Variants in CCDC152 observed in about 807,000 individuals in gnomAD.
CCDC152 encodes coiled-coil domain containing 152.
Under a neutral mutation model 38.1 loss-of-function variants are expected in CCDC152, and 37 were observed. The ratio of observed to expected loss-of-function variants is 0.97; its 90% CI spans 0.75 to 1.28. The LOEUF is 1.28. CCDC152 is among the 50% of genes most tolerant of loss of function. The pLI is 0.00. For missense variants in CCDC152, 259 were observed against 292.1 expected (o/e 0.89, Z 0.83); for synonymous variants, 83 against 87.1 (o/e 0.95, Z 0.26).
intron 3 of CCDC152, among the ~76,000 whole-genome samples, chr5:42,765,329 C>A (rs1331282530): frequency 1.3e-5 from 2 of 151,788 alleles, no homozygotes; most frequent in African/African-American, 2.4e-5. Flanking sequence ...TGTTACAATC[C>A]CCGTACTACT....
chr5:42,757,227 T>TGACG lies in CCDC152; in HGVS notation c.-3+345_-3+348dup, dbSNP rs1759491963. On this transcript the variant is annotated intron_variant, in intron 1 of 8. Coordinates refer to ENST00000361970, the MANE Select transcript of CCDC152 (RefSeq NM_001134848.2). ...TGCTAGGTCCCTAAGGACACTAGGA[T>TGACG]GACGGAGAGGGAGCCAGGGGACCCA... 2.0e-5 allele frequency among the ~76,000 whole-genome samples: 3 copies of TGACG among 152,124 alleles called. No homozygotes were observed. The South Asian group carries it at 6.2e-4, about 31-fold the overall frequency.
intron 5 of CCDC152, 56 bp downstream of exon 5, chr5:42,779,578 A>G (rs1759814644): frequency 1.0e-6 from 1 of 962,580 alleles, no homozygotes; most frequent in African/African-American, 2.1e-5. Context: ...TATCTTTTCA[A>G]ATTAGGAAAA....
chr5:42,801,437 G>C lies in CCDC152; in HGVS notation c.*1656G>C. ...ATGTGAAATTCCAACTAGTTAATTA[G>C]AATCGAGCTGGCTTTGTATTATATT... On this transcript the variant is annotated 3_prime_UTR_variant, in exon 9 of 9. Transcript: ENST00000361970. The C allele has an allele frequency of 1.2e-6, 1 of 813,314 alleles. No homozygotes were observed. Among genetic ancestry groups the C allele is most frequent in the South Asian group, 1.8e-5 (1 of 55,378 alleles). The allele number at this position is 813,314 out of a possible 1,614,324, so 50.4% of individuals were successfully genotyped here. A position where few individuals can be genotyped will look rare whatever the true frequency, so the allele number is the denominator to read the frequency against.
At position 42,789,850 on chromosome 5, in the gene CCDC152, A is replaced by G. The variant is rs376264474; in HGVS notation, c.430+6274A>G. On this transcript the variant is annotated intron_variant, in intron 6 of 8. Coordinates refer to ENST00000361970, the MANE Select transcript of CCDC152 (RefSeq NM_001134848.2). ...TAACTTAAAATGGGTAATAAGTTAC[A>G]TATAAAACCTACATCTGTAAAATTA... Among the ~76,000 whole-genome samples, 114 of 152,308 alleles carry G rather than the reference A, an allele frequency of 7.5e-4. 2 individuals are homozygous for G. In the South Asian group the frequency reaches 8.3e-3, roughly 11 times the overall value.
chr5:42,797,752 A>AAT (rs1561280844), intron 7 of CCDC152, among the ~76,000 whole-genome samples: 1 of 152,126 alleles, frequency 6.6e-6, no homozygotes, highest in Non-Finnish European at 1.5e-5. Context: ...TTTCTGGAAG[A>AAT]ATATATATCC....
intron 3 of CCDC152, among the ~76,000 whole-genome samples, chr5:42,764,557 A>G (rs187557784): frequency 6.6e-6 from 1 of 152,198 alleles, no homozygotes; most frequent in Non-Finnish European, 1.5e-5. Flanking sequence ...TCAACAATAC[A>G]TTAGAAAGAT....
At chr5:42,797,027 A>G (rs1009867835) in intron 7 of CCDC152, 71 bp downstream of exon 7, 2 of 1,172,518 alleles carry the variant, frequency 1.7e-6, no homozygotes, top group Non-Finnish European at 2.3e-6. Flanking sequence ...ATTGTTTTTC[A>G]TCACAGTGAG....
At chr5:42,782,922 A>G (rs1320007276) in intron 5 of CCDC152, among the ~76,000 whole-genome samples, 1 of 151,908 alleles carries the variant, frequency 6.6e-6, no homozygotes. Flanking sequence ...GCTGGAGTGC[A>G]GTGGTGCCAT....
chr5:42,799,719 C>T lies in CCDC152; in HGVS notation c.703C>T (p.Arg235Cys), dbSNP rs755199239. The change falls in exon 9 of 9, where the codon CGC becomes TGC. Residue 235 changes from arginine to cysteine, a missense_variant. By Grantham distance (180) the Arg-to-Cys change is radical. Coordinates refer to ENST00000361970, the MANE Select transcript of CCDC152 (RefSeq NM_001134848.2). ...KEIAILRNTI[R>C]DLEQRLSVGK... ...GATTGCAATTCTTCGTAATACCATTCGCGATTTAGAGCAACGCCTTTCTGT... is the reference window on the plus strand; with the variant it reads ...GATTGCAATTCTTCGTAATACCATTTGCGATTTAGAGCAACGCCTTTCTGT... 2 of 1,550,778 alleles carry T rather than the reference C, an allele frequency of 1.3e-6. No individual in the cohort carries two copies. The highest frequency in any genetic ancestry group is 1.7e-6 in the Non-Finnish European group (2 of 1,146,486).
chr5:42,783,971 T>A (rs1759883812), intron 6 of CCDC152, among the ~76,000 whole-genome samples: 1 of 152,210 alleles, frequency 6.6e-6, no homozygotes, highest in South Asian at 2.1e-4. Flanking sequence ...ATATACCACA[T>A]TTTCTTTATC....
chr5:42,766,123 C>T (rs542578286), intron 3 of CCDC152, among the ~76,000 whole-genome samples: 1 of 152,248 alleles, frequency 6.6e-6, no homozygotes, highest in East Asian at 1.9e-4. Flanking sequence ...AGACATTTCT[C>T]AGAAGAAGAC....
chr5:42,764,111 C>T (rs1389000090), intron 3 of CCDC152, among the ~76,000 whole-genome samples: 1 of 152,062 alleles, frequency 6.6e-6, no homozygotes, highest in East Asian at 1.9e-4. Flanking sequence ...AATTGATCCA[C>T]TATTATTAAC....
At position 42,800,563 on chromosome 5, in the gene CCDC152, A is replaced by G. The variant is rs1760160794; in HGVS notation, c.*782A>G. ...TATGGTTTGAGTCAATATTTCTATG[A>G]CATAAAATTTAAAATCTGGAAGCCA... On this transcript the variant is annotated 3_prime_UTR_variant, in exon 9 of 9. Coordinates refer to ENST00000361970, the MANE Select transcript of CCDC152 (RefSeq NM_001134848.2). 2.4e-6 allele frequency: 2 copies of G among 844,646 alleles called. No individual in the cohort carries two copies. The highest frequency in any genetic ancestry group is 1.8e-6 in the Non-Finnish European group (1 of 564,902). The allele number at this position is 844,646 out of a possible 1,614,324, so 52.3% of individuals were successfully genotyped here.
At chr5:42,759,794 AC>A (rs1759525725) in intron 2 of CCDC152, among the ~76,000 whole-genome samples, 1 of 152,172 alleles carries the variant, frequency 6.6e-6, no homozygotes, top group African/African-American at 2.4e-5. Flanking sequence ...CATTTATGTA[AC>A]TTTTACTACA....
intron 6 of CCDC152, among the ~76,000 whole-genome samples, chr5:42,787,436 C>T (rs934955291): frequency 6.6e-6 from 1 of 151,806 alleles, no homozygotes; most frequent in African/African-American, 2.4e-5. Context: ...TTCTCTTGAT[C>T]TCTTTGAGTT....
At chr5:42,768,998 A>T (rs1561273504) in intron 3 of CCDC152, among the ~76,000 whole-genome samples, 1 of 152,126 alleles carries the variant, frequency 6.6e-6, no homozygotes, top group Non-Finnish European at 1.5e-5. Context: ...TAGGAGACCA[A>T]GGGGGGTGGA....
At position 42,801,222 on chromosome 5, in the gene CCDC152, T is replaced by C. The variant is rs1043440072; in HGVS notation, c.*1441T>C. On this transcript the variant is annotated 3_prime_UTR_variant, in exon 9 of 9. Coordinates refer to ENST00000361970, the MANE Select transcript of CCDC152 (RefSeq NM_001134848.2). ...AAGCTCACTGCTGCCAAGGTGCTGATGTCCATGATTGTGATGATGCTCATG... is the reference window on the plus strand; with the variant it reads ...AAGCTCACTGCTGCCAAGGTGCTGACGTCCATGATTGTGATGATGCTCATG... 1.9e-6 allele frequency: 3 copies of C among 1,614,186 alleles called. No homozygotes were observed. Among genetic ancestry groups the C allele is most frequent in the Non-Finnish European group, 2.5e-6 (3 of 1,180,032 alleles).
At chr5:42,761,422 C>G (rs1464075525) in intron 2 of CCDC152, among the ~76,000 whole-genome samples, 2 of 152,136 alleles carry the variant, frequency 1.3e-5, no homozygotes, top group African/African-American at 4.8e-5. Flanking sequence ...TGAGACCAGC[C>G]TGGGCAACAT....
chr5:42,790,600 G>A (rs1759985799), intron 6 of CCDC152, among the ~76,000 whole-genome samples: 1 of 152,178 alleles, frequency 6.6e-6, no homozygotes, highest in Admixed American at 6.5e-5. Flanking sequence ...TAAATGGGAA[G>A]GGAACCAGGA....
Sources: gnomAD v4.1 joint callset for allele counts (sites outside exome capture counted in the v4.1 genomes callset) on GRCh38, gnomAD v4.1.1 for gene constraint, MANE v1.5 for transcripts, NCBI Gene and HGNC (gene_info 2026-07-23, HGNC 2026-07-21) for gene names.